The following FANCA variants were observed in gnomAD, a reference collection of about 807,000 sequenced individuals.
FANCA encodes the protein Fanconi anemia group A protein.
Under a neutral mutation model 194.3 loss-of-function variants are expected in FANCA, and 236 were observed. That is an observed-to-expected ratio of 1.21 (90% confidence interval 1.09 to 1.35). The LOEUF is 1.35. Ranked by LOEUF, FANCA falls within the 40% of genes most tolerant of loss-of-function variation. The probability of loss-of-function intolerance (pLI) is 0.00; values close to 1 mark genes in which losing one functional copy is unlikely to be tolerated. For missense variants in FANCA, 2,628 were observed against 1,813.9 expected (o/e 1.45, Z -8.15); for synonymous variants, 1,014 against 715.8 (o/e 1.42, Z -6.65).
At chr16:89,785,486 G>A (rs2039866182) in intron 14 of FANCA, among the ~76,000 whole-genome samples, 1 of 152,166 alleles carries the variant, frequency 6.6e-6, no homozygotes, top group Non-Finnish European at 1.5e-5. Flanking sequence ...ACAGGCCAAG[G>A]AGGGCCACCC....
At chr16:89,783,873 C>T (rs1161395931) in intron 15 of FANCA, among the ~76,000 whole-genome samples, 3 of 150,944 alleles carry the variant, frequency 2.0e-5, no homozygotes, top group Non-Finnish European at 4.4e-5. Flanking sequence ...AAGCAACTCT[C>T]CTGCCTCAGC....
At chr16:89,791,783 G>C (rs56153324) in intron 13 of FANCA, 144 bp downstream of exon 13, 21 of 1,111,280 alleles carry the variant, frequency 1.9e-5, no homozygotes, top group Non-Finnish European at 2.7e-5. Context: ...GACAAAGAAT[G>C]TTCCATCGAC....
intron 26 of FANCA, among the ~76,000 whole-genome samples, chr16:89,767,857 A>T (rs1455756421): frequency 1.3e-5 from 2 of 151,682 alleles, no homozygotes; most frequent in African/African-American, 4.8e-5. Flanking sequence ...CGAGTTTTTA[A>T]TTTTTTTTAG....
intron 14 of FANCA, among the ~76,000 whole-genome samples, chr16:89,789,641 G>A (rs1428074515): frequency 6.6e-6 from 1 of 151,854 alleles, no homozygotes; most frequent in African/African-American, 2.4e-5. Context: ...GTCTCACTGT[G>A]CTGCCCAGGC....
chr16:89,775,943 ATGAGCCTG>A, intron 20 of FANCA, 128 bp from the exon 21 acceptor site: 1 of 480,050 alleles, frequency 2.1e-6, no homozygotes, highest in Non-Finnish European at 3.6e-6. Context: ...TGTGTACAGT[ATGAGCCTG>A]TTTTTACAAA....
chr16:89,776,361 G>A (rs888766403), intron 20 of FANCA, among the ~76,000 whole-genome samples: 2 of 151,082 alleles, frequency 1.3e-5, no homozygotes. Context: ...TAGAGACGGA[G>A]TTTCACCATG....
At position 89,739,113 on chromosome 16, in the gene FANCA, G is replaced by A. The variant is rs1264976469; in HGVS notation, c.4167+20C>T. On this transcript the variant is annotated intron_variant, in intron 41 of 42. Coordinates refer to ENST00000389301, the MANE Select transcript of FANCA (RefSeq NM_000135.4). ...GCTGGGGGGAGCTCCCCTGGAGGTGGGACTGGCCCTTGCACCTGCCTGACC... is the reference window on the plus strand; with the variant it reads ...GCTGGGGGGAGCTCCCCTGGAGGTGAGACTGGCCCTTGCACCTGCCTGACC... 6.2e-7 allele frequency: 1 copy of A among 1,614,012 alleles called. No homozygotes were observed. The highest frequency in any genetic ancestry group is 1.7e-5 in the Admixed American group (1 of 60,034).
At chr16:89,765,157 C>CA (rs2039083604) in intron 27 of FANCA, 91 bp from the exon 28 acceptor site, 2 of 1,412,254 alleles carry the variant, frequency 1.4e-6, no homozygotes, top group Non-Finnish European at 2.0e-6. Context: ...AGACCATCAA[C>CA]AGCCCACACA....
At chr16:89,740,159 G>A in intron 38 of FANCA, 60 bp from the exon 39 acceptor site, 1 of 1,337,232 alleles carries the variant, frequency 7.5e-7, no homozygotes, top group Non-Finnish European at 1.1e-6. Context: ...ATGGGTAGGA[G>A]GGTACAGCCC....
chr16:89,775,279 C>G (rs1222959238), intron 21 of FANCA, among the ~76,000 whole-genome samples: 1 of 152,202 alleles, frequency 6.6e-6, no homozygotes, highest in Admixed American at 6.5e-5. Flanking sequence ...GGGCGTAGGT[C>G]TGACCGACAG....
At chr16:89,759,781 A>T (rs1343674368) in intron 29 of FANCA, among the ~76,000 whole-genome samples, 1 of 152,176 alleles carries the variant, frequency 6.6e-6, no homozygotes, top group Non-Finnish European at 1.5e-5. Flanking sequence ...ACAAATCCGC[A>T]GTGCACAGAA....
At chr16:89,762,947 GAAAAA>G (rs61684026) in intron 28 of FANCA, among the ~76,000 whole-genome samples, 1 of 117,642 alleles carries the variant, frequency 8.5e-6, no homozygotes, top group South Asian at 2.7e-4. Context: ...CTAAAAATAC[GAAAAA>G]AAAAAAAAAA....
intron 37 of FANCA, 84 bp downstream of exon 37, chr16:89,742,716 T>C (rs890713906): frequency 1.1e-5 from 15 of 1,423,658 alleles, no homozygotes; most frequent in Non-Finnish European, 1.4e-5. Flanking sequence ...AGAAAAACAG[T>C]TCATCAGACA....
At chr16:89,759,317 C>CAAAAAAAAAAAAAAAAAAAA (rs1555543261) in intron 29 of FANCA, among the ~76,000 whole-genome samples, 1 of 8,278 alleles carries the variant, frequency 1.2e-4, no homozygotes, top group Non-Finnish European at 2.8e-4. Flanking sequence ...GAGACTCCGT[C>CAAAAAAAAAAAAAAAAAAAA]TAAAAAAAAA....
At position 89,769,930 on chromosome 16, in the gene FANCA, C is replaced by T. The variant is rs2039264210; in HGVS notation, c.2411G>A (p.Gly804Asp). 3 of 1,614,016 alleles carry T rather than the reference C, an allele frequency of 1.9e-6. No homozygotes were observed. Among genetic ancestry groups the T allele is most frequent in the Non-Finnish European group, 2.5e-6 (3 of 1,179,972 alleles). ...AAGGCCAGCACCAGGTGCAGGAGGA[C>T]CCACATCCACCTCTGGGAGCGCAGA... ...SRSALPEVDVGPPAPGAGLPV... is the reference protein window; with the variant it reads ...SRSALPEVDVDPPAPGAGLPV... The change falls in exon 26 of 43, where the codon GGT becomes GAT. Residue 804 changes from glycine to aspartate, a missense_variant. Transcript: ENST00000389301.
intron 8 of FANCA, among the ~76,000 whole-genome samples, chr16:89,801,410 C>T (rs2040449844): frequency 2.0e-5 from 3 of 151,092 alleles, no homozygotes; most frequent in Non-Finnish European, 4.4e-5. Flanking sequence ...CCACAATGAG[C>T]TATTATTTCA....
chr16:89,804,455 GA>G (rs1242924883), intron 7 of FANCA, among the ~76,000 whole-genome samples: 1 of 152,128 alleles, frequency 6.6e-6, no homozygotes, highest in Non-Finnish European at 1.5e-5. Context: ...CGCCGTCCAG[GA>G]GTGCGCTGAA....
At chr16:89,784,710 G>T in intron 15 of FANCA, 144 bp downstream of exon 15, 1 of 642,416 alleles carries the variant, frequency 1.6e-6, no homozygotes. Context: ...AAACGGCTTG[G>T]GGAAGGGGAA....
chr16:89,794,177 G>A (rs953390604), intron 11 of FANCA, among the ~76,000 whole-genome samples: 1 of 152,120 alleles, frequency 6.6e-6, no homozygotes, highest in Non-Finnish European at 1.5e-5. Flanking sequence ...CTCAGGCCCG[G>A]TTACTTACTT....
Sources: gnomAD v4.1 joint callset for allele counts (sites outside exome capture counted in the v4.1 genomes callset) on GRCh38, gnomAD v4.1.1 for gene constraint, MANE v1.5 for transcripts, NCBI Gene and HGNC (gene_info 2026-07-23, HGNC 2026-07-21) for gene names.